The following RBM33 variants were observed in gnomAD, a reference collection of about 807,000 sequenced individuals.
The protein encoded by RBM33 is RNA binding motif protein 33, also known as RNA-binding protein 33.
Under a neutral mutation model 132.6 loss-of-function variants are expected in RBM33, and 28 were observed. That is an observed-to-expected ratio of 0.21 (90% confidence interval 0.16 to 0.29). RBM33 has a LOEUF of 0.29. Among genes scored for constraint, RBM33 ranks in the 10% least tolerant of loss-of-function variants. The pLI is 1.00. For synonymous variants in RBM33, 634 were observed against 593.0 expected (o/e 1.07, Z -1.01); for missense variants, 1,291 against 1,518.5 (o/e 0.85, Z 2.49).
At chr7:155,750,838 T>G (rs1426719742) in intron 14 of RBM33, among the ~76,000 whole-genome samples, 2 of 152,146 alleles carry the variant, frequency 1.3e-5, no homozygotes, top group Non-Finnish European at 2.9e-5. Flanking sequence ...TTTTAAGAAT[T>G]TGGCAGCAAA....
At position 155,644,809 on chromosome 7, in the gene RBM33, C is replaced by T. The variant is rs1234341923; in HGVS notation, c.-68C>T. On this transcript the variant is annotated 5_prime_UTR_variant, in exon 1 of 18. Coordinates refer to ENST00000401878, the MANE Select transcript of RBM33 (RefSeq NM_053043.3). ...GTCCTCCGTCACCCGTACCCGGGCC[C>T]GGACCAGGCACGTCGGCCCACCAGC... The T allele has an allele frequency of 6.8e-6, 9 of 1,332,136 alleles. No homozygotes were observed. The highest frequency in any genetic ancestry group is 1.5e-5 in the African/African-American group (1 of 65,408). The allele number at this position is 1,332,136 out of a possible 1,614,324, so 82.5% of individuals were successfully genotyped here. A position where few individuals can be genotyped will look rare whatever the true frequency, so the allele number is the denominator to read the frequency against.
intron 5 of RBM33, among the ~76,000 whole-genome samples, chr7:155,699,857 TA>T (rs1417858262): frequency 6.6e-6 from 1 of 152,224 alleles, no homozygotes; most frequent in East Asian, 1.9e-4. Context: ...TAAGAGTAAA[TA>T]ACATTTACAT....
At chr7:155,719,188 T>A (rs1057262764) in intron 9 of RBM33, among the ~76,000 whole-genome samples, 1 of 151,762 alleles carries the variant, frequency 6.6e-6, no homozygotes, top group African/African-American at 2.4e-5. Flanking sequence ...TTTTTTTTTT[T>A]AAACAGTGTA....
intron 1 of RBM33, among the ~76,000 whole-genome samples, chr7:155,649,369 C>T (rs1260336876): frequency 6.6e-6 from 1 of 152,224 alleles, no homozygotes; most frequent in African/African-American, 2.4e-5. Flanking sequence ...ATGCATTCCA[C>T]ATCTTCCTGG....
intron 1 of RBM33, 38 bp downstream of exon 1, chr7:155,644,957 G>A (rs1798135236): frequency 1.4e-6 from 2 of 1,452,702 alleles, no homozygotes; most frequent in Non-Finnish European, 9.1e-7. Flanking sequence ...CCAGGACCGC[G>A]CCGCGGTGGG....
intron 5 of RBM33, among the ~76,000 whole-genome samples, chr7:155,687,363 A>G (rs1054425194): frequency 6.6e-6 from 1 of 152,206 alleles, no homozygotes; most frequent in African/African-American, 2.4e-5. Flanking sequence ...TTCATTGTAC[A>G]TTCTGGATAT....
At chr7:155,710,876 C>G (rs938443785) in intron 7 of RBM33, among the ~76,000 whole-genome samples, 1 of 150,636 alleles carries the variant, frequency 6.6e-6, no homozygotes, top group Non-Finnish European at 1.5e-5. Context: ...CAGGGCTTTG[C>G]TCAGTGTGGG....
chr7:155,732,598 A>G (rs1032971116), intron 9 of RBM33, among the ~76,000 whole-genome samples: 1 of 152,196 alleles, frequency 6.6e-6, no homozygotes, highest in Non-Finnish European at 1.5e-5. Flanking sequence ...GAAAAATCTG[A>G]CCAAATGTAT....
In RBM33 at chr7:155,705,919, A is replaced by C. The variant is rs1800098289; in HGVS notation, c.740-941A>C. On this transcript the variant is annotated intron_variant, in intron 6 of 17. Coordinates refer to ENST00000401878, the MANE Select transcript of RBM33 (RefSeq NM_053043.3). ...TGATTTGGCTTCTCTGTCAGTCTGC[A>C]TGCATATGAGAAGGCTTCACAGTAA... 2.0e-5 allele frequency among the ~76,000 whole-genome samples: 3 copies of C among 152,354 alleles called. No homozygotes were observed. The South Asian group carries it at 6.2e-4, about 32-fold the overall frequency.
chr7:155,727,057 C>T (rs1800813054), intron 9 of RBM33, among the ~76,000 whole-genome samples: 2 of 152,202 alleles, frequency 1.3e-5, no homozygotes, highest in African/African-American at 4.8e-5. Context: ...AACCAGGCTG[C>T]GTTTAACAGA....
At chr7:155,766,728 C>G in intron 16 of RBM33, 73 bp downstream of exon 16, 1 of 1,429,240 alleles carries the variant, frequency 7.0e-7, no homozygotes, top group Non-Finnish European at 9.6e-7. Flanking sequence ...TGATTTAAAA[C>G]ACAGTGCCCT....
At chr7:155,646,679 T>C (rs748743042) in intron 1 of RBM33, among the ~76,000 whole-genome samples, 2 of 152,262 alleles carry the variant, frequency 1.3e-5, no homozygotes, top group Admixed American at 6.5e-5. Context: ...GAGGAATGTA[T>C]GTCCGTTGCT....
intron 6 of RBM33, 151 bp from the exon 7 acceptor site, chr7:155,706,709 C>G: frequency 1.6e-6 from 1 of 614,638 alleles, no homozygotes; most frequent in South Asian, 1.9e-5. Context: ...CTGGTTGTAT[C>G]GTACTTGCCG....
intron 11 of RBM33, chr7:155,739,307 A>G (rs1201723908): frequency 6.4e-6 from 1 of 155,236 alleles, no homozygotes; most frequent in African/African-American, 2.4e-5. Context: ...ATATCATTTG[A>G]TCTTTTCATG....
At chr7:155,748,034 C>T (rs1290578405) in intron 14 of RBM33, among the ~76,000 whole-genome samples, 2 of 152,184 alleles carry the variant, frequency 1.3e-5, no homozygotes, top group African/African-American at 4.8e-5. Context: ...GGTCTTAATG[C>T]TCAGGGATGT....
intron 8 of RBM33, among the ~76,000 whole-genome samples, chr7:155,716,951 G>A (rs1184218862): frequency 6.6e-6 from 1 of 152,118 alleles, no homozygotes; most frequent in Non-Finnish European, 1.5e-5. Context: ...GGCCATGTAT[G>A]CTATCACTTG....
chr7:155,653,611 A>G (rs1317523812), intron 1 of RBM33, among the ~76,000 whole-genome samples: 1 of 152,094 alleles, frequency 6.6e-6, no homozygotes, highest in African/African-American at 2.4e-5. Context: ...GGTAATCACC[A>G]TTAGTCAGTG....
chr7:155,757,374 C>T lies in RBM33; in HGVS notation c.2980-6438C>T, dbSNP rs563880111. 1.5e-3 allele frequency among the ~76,000 whole-genome samples: 229 copies of T among 152,210 alleles called. 2 individuals are homozygous for T. In the Middle Eastern group the frequency reaches 0.027, roughly 18 times the overall value. On this transcript the variant is annotated intron_variant, in intron 14 of 17. Coordinates refer to ENST00000401878, the MANE Select transcript of RBM33 (RefSeq NM_053043.3). ...GTTCTTTTAATTAGAAAAAAAAATT[C>T]ATTTTTTTCTTACAAAATGAAACAA...
Position 155,776,420 on chromosome 7 carries a change from CTAGAAGG to C in RBM33, c.*1380_*1386del, listed in dbSNP as rs1802612553. The C allele has an allele frequency of 6.6e-6, 1 of 152,182 alleles. No individual in the cohort carries two copies. Among genetic ancestry groups the C allele is most frequent in the Non-Finnish European group, 1.5e-5 (1 of 68,010 alleles). The allele number at this position is 152,182 out of a possible 1,614,324, so 9.4% of individuals were successfully genotyped here. On this transcript the variant is annotated 3_prime_UTR_variant, in exon 18 of 18. Transcript: ENST00000401878. The surrounding 1 kb of genome is among the most constrained non-coding windows in gnomAD (Gnocchi z 4.0). Reference sequence around the variant, plus strand: ...GCATGGCGCTAGGGCTCTCAGCCTCCTAGAAGGAAGGGACTAAGGAGACGGGCACAGA... The same window carrying C: ...GCATGGCGCTAGGGCTCTCAGCCTCCAAGGGACTAAGGAGACGGGCACAGA...
Sources: gnomAD v4.1 joint callset for allele counts (sites outside exome capture counted in the v4.1 genomes callset) on GRCh38, gnomAD v4.1.1 for gene constraint, Gnocchi (gnomAD v3.1) non-coding constraint, MANE v1.5 for transcripts, NCBI Gene and HGNC (gene_info 2026-07-23, HGNC 2026-07-21) for gene names.